The following LMBRD2 variants were observed in gnomAD, a reference collection of about 807,000 sequenced individuals.
LMBRD2 encodes the protein LMBR1 domain containing 2.
In LMBRD2, 55 loss-of-function variants were observed where a neutral mutation model predicts 94.4. The ratio of observed to expected loss-of-function variants is 0.58; its 90% CI spans 0.47 to 0.73. LMBRD2 has a LOEUF of 0.73. Among genes scored for constraint, LMBRD2 ranks in the 30% least tolerant of loss-of-function variants. LMBRD2 has a pLI of 0.00. For missense variants in LMBRD2, 640 were observed against 831.9 expected (o/e 0.77, Z 2.84); for synonymous variants, 246 against 272.4 (o/e 0.90, Z 0.95).
At chr5:36,139,906 A>G (rs1744363543) in intron 4 of LMBRD2, among the ~76,000 whole-genome samples, 1 of 152,180 alleles carries the variant, frequency 6.6e-6, no homozygotes, top group South Asian at 2.1e-4. Flanking sequence ...TTCTTCCTGG[A>G]TGTAGGACAA....
intron 7 of LMBRD2, 137 bp downstream of exon 7, chr5:36,124,054 G>A (rs1433200618): frequency 4.0e-6 from 2 of 505,986 alleles, no homozygotes; most frequent in Non-Finnish European, 7.1e-6. Context: ...AGTACAAATG[G>A]TGTTGGGTTG....
At chr5:36,137,202 A>T (rs1157841683) in intron 5 of LMBRD2, 72 bp downstream of exon 5, 3 of 1,040,104 alleles carry the variant, frequency 2.9e-6, no homozygotes, top group Non-Finnish European at 4.1e-6. Context: ...ACCTGCACAT[A>T]TGAAATTAAA....
rs774776865 is a variant in LMBRD2, at chr5:36,122,343, G to A, written c.1057C>T (p.His353Tyr). 4 of 1,612,420 alleles carry A rather than the reference G, an allele frequency of 2.5e-6. No individual in the cohort carries two copies. Among genetic ancestry groups the A allele is most frequent in the South Asian group, 1.1e-5 (1 of 90,804 alleles). ...NETSATHQFVHTFQSPEPENR... is the reference protein window; with the variant it reads ...NETSATHQFVYTFQSPEPENR... ...TCTGGCTCTGGCGATTGAAAGGTGT[G>A]AACAAACTGATGAGTAGCACTAGTT... is the stretch of plus-strand genomic sequence containing the variant. Residue 353 changes from histidine (H) to tyrosine (Y), a missense_variant, in exon 9 of 18, where the codon CAC becomes TAC. His to Tyr is a moderately conservative substitution (Grantham distance 83). Coordinates refer to ENST00000296603, the MANE Select transcript of LMBRD2 (RefSeq NM_001007527.2).
At chr5:36,121,481 T>C (rs1328465123) in intron 9 of LMBRD2, among the ~76,000 whole-genome samples, 1 of 152,122 alleles carries the variant, frequency 6.6e-6, no homozygotes, top group Non-Finnish European at 1.5e-5. Flanking sequence ...ACACTAAATT[T>C]GACAATACTT....
Position 36,104,012 on chromosome 5 carries a change from C to T in LMBRD2, c.*34G>A. 5.3e-6 allele frequency: 8 copies of T among 1,506,846 alleles called. No individual in the cohort carries two copies. Among genetic ancestry groups the T allele is most frequent in the Non-Finnish European group, 7.4e-6 (8 of 1,085,904 alleles). 93.3% of individuals were successfully genotyped at this position (1,506,846 alleles called of 1,614,324 possible). On this transcript the variant is annotated 3_prime_UTR_variant, in exon 18 of 18. Transcript: ENST00000296603. ...CATCAAGACTGAACTGATGTGTTGA[C>T]CTTGGTTAGTGGTCCCACAAACTTT...
In LMBRD2 at chr5:36,103,828, T is replaced by C. The variant is rs1743401266; in HGVS notation, c.*218A>G. On this transcript the variant is annotated 3_prime_UTR_variant, in exon 18 of 18. Transcript: ENST00000296603. ...GTAACTGTATTTCTAAGGCAGATGC[T>C]TAGGAAATGATATGTAATAAATCTT... 2 of 359,322 alleles carry C rather than the reference T, an allele frequency of 5.6e-6. No homozygotes were observed. The highest frequency in any genetic ancestry group is 4.2e-5 in the African/African-American group (2 of 47,798). The allele number at this position is 359,322 out of a possible 1,614,324, so 22.3% of individuals were successfully genotyped here.
chr5:36,141,097 T>G lies in LMBRD2; in HGVS notation c.368+10A>C. 6.7e-7 allele frequency: 1 copy of G among 1,498,586 alleles called. No homozygotes were observed. The allele number at this position is 1,498,586 out of a possible 1,614,324, so 92.8% of individuals were successfully genotyped here. ...AAATTTTAAAAATTTTATCATTTAC[T>G]GTAACTTACCATGTTAAAAATTGTG... On this transcript the variant is annotated intron_variant, in intron 4 of 17. Transcript: ENST00000296603.
chr5:36,106,495 CTTTTTTTTCTTTCGTTTTT>C (rs1743469914), intron 16 of LMBRD2, among the ~76,000 whole-genome samples: 1 of 142,522 alleles, frequency 7.0e-6, no homozygotes, highest in Non-Finnish European at 1.5e-5. Flanking sequence ...AAAATCCCAA[CTTTTTTTTCTTTCGTTTTT>C]TTTTTTTTTT....
rs781235533 is a variant in LMBRD2 at position 36,117,905 on chromosome 5, C to T, written c.1132G>A (p.Glu378Lys). ...TAAAACCATGGTCGCAAAAGACATT[C>T]CCAGTACCATTCTAGAAGACAAAAG... ...FYNPTFEWYW[E>K]CLLRPWFYKI... Residue 378 changes from glutamate (E) to lysine (K), a missense_variant, in exon 10 of 18, where the codon GAA (glutamate) becomes AAA (lysine). Around this residue, in one of 2 missense-constraint regions of LMBRD2, gnomAD observed 457 missense variants for 642.8 expected, o/e 0.71. Transcript: ENST00000296603. 6.2e-7 allele frequency: 1 copy of T among 1,605,092 alleles called. No homozygotes were observed. The highest frequency in any genetic ancestry group is 8.5e-7 in the Non-Finnish European group (1 of 1,177,228).
At chr5:36,131,210 T>G (rs1286880832) in intron 6 of LMBRD2, among the ~76,000 whole-genome samples, 1 of 152,086 alleles carries the variant, frequency 6.6e-6, no homozygotes, top group Admixed American at 6.6e-5. Context: ...TGATATATCA[T>G]ATTAATAGAA....
chr5:36,113,587 C>T lies in LMBRD2; in HGVS notation c.1640+837G>A, dbSNP rs376226705. The stretch of plus-strand genomic sequence containing the variant: ...GTATTTTAAACAATATCTGTTTACT[C>T]ATTACTGTAATGTTAGTAGATATTA... On this transcript the variant is annotated intron_variant, in intron 13 of 17. Coordinates refer to ENST00000296603, the MANE Select transcript of LMBRD2 (RefSeq NM_001007527.2). 3.3e-5 allele frequency among the ~76,000 whole-genome samples: 5 copies of T among 152,014 alleles called. No individual in the cohort carries two copies. The East Asian group carries it at 7.7e-4, about 23-fold the overall frequency.
chr5:36,137,857 C>A (rs568857941), intron 4 of LMBRD2, among the ~76,000 whole-genome samples: 108 of 152,212 alleles, frequency 7.1e-4, no homozygotes, highest in Non-Finnish European at 1.3e-3. Flanking sequence ...TAGGAGACAT[C>A]CAAGAGGAGC....
chr5:36,135,376 C>CAAGTTT (rs1183200460), intron 6 of LMBRD2, among the ~76,000 whole-genome samples: 1 of 152,152 alleles, frequency 6.6e-6, no homozygotes, highest in African/African-American at 2.4e-5. Context: ...CTATAATTAT[C>CAAGTTT]ACCATTACTA....
chr5:36,137,471 A>T (rs546783490), intron 4 of LMBRD2, 30 bp from the exon 5 acceptor site: 1 of 1,446,826 alleles, frequency 6.9e-7, no homozygotes, highest in Non-Finnish European at 9.4e-7. Flanking sequence ...ATGATTAAAA[A>T]CCCAAATAAT....
chr5:36,105,815 T>A (rs1743453110), intron 16 of LMBRD2, among the ~76,000 whole-genome samples: 1 of 152,188 alleles, frequency 6.6e-6, no homozygotes, highest in Non-Finnish European at 1.5e-5. Context: ...CTAATGATTA[T>A]CATACCAGAC....
chr5:36,110,708 T>C (rs2111848601), intron 14 of LMBRD2, among the ~76,000 whole-genome samples: 1 of 152,210 alleles, frequency 6.6e-6, no homozygotes, highest in Non-Finnish European at 1.5e-5. Context: ...AGTTTTGTGA[T>C]TTGATTCTAC....
intron 4 of LMBRD2, among the ~76,000 whole-genome samples, chr5:36,139,580 GCA>G (rs1056322079): frequency 1.3e-5 from 2 of 152,182 alleles, no homozygotes; most frequent in Admixed American, 6.5e-5. Context: ...CCCAATCAGT[GCA>G]CACTTTCTCC....
chr5:36,147,675 G>C (rs1332841350), intron 1 of LMBRD2, among the ~76,000 whole-genome samples: 1 of 152,112 alleles, frequency 6.6e-6, no homozygotes, highest in Non-Finnish European at 1.5e-5. Flanking sequence ...TAATGTTACT[G>C]ACTAAAGTAC....
intron 10 of LMBRD2, among the ~76,000 whole-genome samples, chr5:36,117,029 AG>A (rs926612723): frequency 6.6e-6 from 1 of 152,048 alleles, no homozygotes; most frequent in African/African-American, 2.4e-5. Flanking sequence ...ATACAGTAAT[AG>A]AGAATTTTTT....
Sources: gnomAD v4.1 joint callset for allele counts (sites outside exome capture counted in the v4.1 genomes callset) on GRCh38, gnomAD v4.1.1 for gene constraint, gnomAD v4.1.1 regional missense constraint, MANE v1.5 for transcripts, NCBI Gene and HGNC (gene_info 2026-07-23, HGNC 2026-07-21) for gene names.